ECE1: variants seen among roughly 807,000 people sequenced by gnomAD.
The protein encoded by ECE1 is endothelin-converting enzyme 1.
In ECE1, 35 loss-of-function variants were observed where a neutral mutation model predicts 98.6. The observed-to-expected ratio is 0.35, with a 90% CI of 0.27 to 0.47. The LOEUF is 0.47. Among genes scored for constraint, ECE1 ranks in the 20% least tolerant of loss-of-function variants. The probability of loss-of-function intolerance (pLI) is 1.00; values close to 1 mark genes in which losing one functional copy is unlikely to be tolerated. For synonymous variants in ECE1, 394 were observed against 407.1 expected (o/e 0.97, Z 0.39); for missense variants, 814 against 1,025.3 (o/e 0.79, Z 2.81).
intron 14 of ECE1, among the ~76,000 whole-genome samples, chr1:21,232,308 C>CT (rs1286274213): frequency 1.3e-5 from 2 of 148,880 alleles, no homozygotes; most frequent in Non-Finnish European, 3.0e-5. Context: ...TTCTTTCTTT[C>CT]TTTTTTTTCA....
In ECE1 at chr1:21,247,268, C is replaced by T. The variant is rs749300980; in HGVS notation, c.1116G>A (p.Lys372=). 5 of 1,613,896 alleles carry T rather than the reference C, an allele frequency of 3.1e-6. No individual in the cohort carries two copies. The African/African-American group carries it at 6.7e-5, about 22-fold the overall frequency. ...NESEPIVVYD[K]EYLEQISTLI... is the part of the protein sequence containing the mutation. ...GAGTGGAGATCTGCTCAAGGTATTC[C>T]TTGTCATAGACCACAATAGGCTCGG... is the stretch of plus-strand genomic sequence containing the variant. The change falls in exon 9 of 19, where the codon AAG becomes AAA. Residue 372 remains lysine (K), a synonymous_variant. Transcript: ENST00000374893.
rs1639382010 is a variant in ECE1 at position 21,340,692 on chromosome 1, T to C, written c.3+4684A>G. Reference sequence around the variant, plus strand: ...GGTGTCTACTAAAAAAATACAGAAGTTAGTCGCATGGTGGCACGCCTGTAA... The same window carrying C: ...GGTGTCTACTAAAAAAATACAGAAGCTAGTCGCATGGTGGCACGCCTGTAA... On this transcript the variant is annotated intron_variant, in intron 1 of 18. Transcript: ENST00000415912. This position sits in a 1 kb window ranked among gnomAD's most constrained non-coding sequence, Gnocchi z 4.6. Among the ~76,000 whole-genome samples the C allele has an allele frequency of 6.6e-6, 1 of 151,888 alleles. No individual in the cohort carries two copies. Among genetic ancestry groups the C allele is most frequent in the South Asian group, 2.1e-4 (1 of 4,816 alleles).
At chr1:21,333,747 T>C (rs754674492) in intron 1 of ECE1, among the ~76,000 whole-genome samples, 2 of 152,144 alleles carry the variant, frequency 1.3e-5, no homozygotes, top group Non-Finnish European at 2.9e-5. Context: ...GGCAGGAGAA[T>C]TGCTTAAACC....
rs1336962002 is a variant in ECE1, at chr1:21,307,852, C to A, written c.4-17696G>T. Among the ~76,000 whole-genome samples the A allele has an allele frequency of 6.6e-6, 1 of 152,162 alleles. No individual in the cohort carries two copies. The highest frequency in any genetic ancestry group is 2.1e-4 in the South Asian group (1 of 4,834). On this transcript the variant is annotated intron_variant, in intron 1 of 18. Coordinates refer to the ECE1 transcript ENST00000415912. The surrounding 1 kb of genome is among the most constrained non-coding windows in gnomAD (Gnocchi z 4.2). ...CTGCCCCCTTGAGAGGGAGGCCCTG[C>A]CCCCTTGAGAGGTTGGCCCCGCCTT...
At chr1:21,249,201 G>T (rs1304244690) in intron 8 of ECE1, among the ~76,000 whole-genome samples, 2 of 151,190 alleles carry the variant, frequency 1.3e-5, no homozygotes, top group Non-Finnish European at 1.5e-5. Context: ...AAATTAGCTG[G>T]GCGTGGTGGT....
chr1:21,345,275 C>A lies in ECE1; in HGVS notation c.3+101G>T. 8.2e-7 allele frequency: 1 copy of A among 1,221,092 alleles called. No individual in the cohort carries two copies. The highest frequency in any genetic ancestry group is 1.0e-6 in the Non-Finnish European group (1 of 981,642). The allele number at this position is 1,221,092 out of a possible 1,614,324, so 75.6% of individuals were successfully genotyped here. On this transcript the variant is annotated intron_variant, in intron 1 of 18. Coordinates refer to the ECE1 transcript ENST00000415912. The surrounding 1 kb of genome is among the most constrained non-coding windows in gnomAD (Gnocchi z 5.1). Reference sequence around the variant, plus strand: ...CTGCTGCTGCAGCCGGCGCCCAGCCCCCCGCGAGCCAGGGCGGCCCCGGGT... The same window carrying A: ...CTGCTGCTGCAGCCGGCGCCCAGCCACCCGCGAGCCAGGGCGGCCCCGGGT...
Position 21,257,623 on chromosome 1 carries a change from G to A in ECE1, c.763-33C>T, listed in dbSNP as rs770439724. 47 of 1,611,020 alleles carry A rather than the reference G, an allele frequency of 2.9e-5. 1 individual carries two copies. In the South Asian group the frequency reaches 4.4e-4, roughly 15 times the overall value. ...GAGAAGCAGGCATGAGAGGGAATTCGTGTTGCAATGCGTGTATCCACTGCA... is the reference window on the plus strand; with the variant it reads ...GAGAAGCAGGCATGAGAGGGAATTCATGTTGCAATGCGTGTATCCACTGCA... On this transcript the variant is annotated intron_variant, in intron 6 of 18. Coordinates refer to ENST00000374893, the MANE Select transcript of ECE1 (RefSeq NM_001397.3).
chr1:21,230,975 T>G (rs1479746180), intron 14 of ECE1, among the ~76,000 whole-genome samples: 2 of 151,910 alleles, frequency 1.3e-5, no homozygotes, highest in Non-Finnish European at 2.9e-5. Context: ...ATTACAGGCA[T>G]GTGCCACCAT....
chr1:21,222,191 C>T, intron 17 of ECE1: 11 of 326,530 alleles, frequency 3.4e-5, no homozygotes, highest in Middle Eastern at 1.0e-3. Context: ...CACACACATA[C>T]ACACAACTTT....
Position 21,220,222 on chromosome 1 carries a change from G to A in ECE1, c.2137-91C>T. ...ATTATAACAGCAGGGGAGGCCAGGT[G>A]CGGTGGCTCACACCTGTAATCCCAG... On this transcript the variant is annotated intron_variant, in intron 18 of 18. Transcript: ENST00000374893. The surrounding 1 kb of genome is among the most constrained non-coding windows in gnomAD (Gnocchi z 5.0). The A allele has an allele frequency of 7.0e-7, 1 of 1,430,644 alleles. No homozygotes were observed. Among genetic ancestry groups the A allele is most frequent in the Non-Finnish European group, 9.4e-7 (1 of 1,060,966 alleles). 88.6% of individuals were successfully genotyped at this position (1,430,644 alleles called of 1,614,324 possible). A position where few individuals can be genotyped will look rare whatever the true frequency, so the allele number is the denominator to read the frequency against.
Position 21,279,257 on chromosome 1 carries a change from A to G in ECE1, c.214T>C (p.Leu72=), listed in dbSNP as rs199521200. Residue 72 remains leucine (L), a synonymous_variant, in exon 3 of 19, where the codon TTG becomes CTG. Transcript: ENST00000374893. The stretch of plus-strand genomic sequence containing the variant: ...AGTCCTGCCGCCAGAAGTACCACCA[A>G]CACCACCAGCCGCTTCTCCACCTGG... The part of the protein sequence containing the change: ...RTQVEKRLVV[L]VVLLAAGLVA... 1 of 1,614,108 alleles carries G rather than the reference A, an allele frequency of 6.2e-7. No homozygotes were observed. Among genetic ancestry groups the G allele is most frequent in the Non-Finnish European group, 8.5e-7 (1 of 1,180,004 alleles).
At chr1:21,341,691 C>T (rs1245223479) in intron 1 of ECE1, among the ~76,000 whole-genome samples, 2 of 152,186 alleles carry the variant, frequency 1.3e-5, no homozygotes, top group Non-Finnish European at 2.9e-5. Context: ...CACAGGCTGC[C>T]CAGGGTGAAG....
chr1:21,253,218 G>A (rs1454468152), intron 8 of ECE1, among the ~76,000 whole-genome samples: 1 of 151,632 alleles, frequency 6.6e-6, no homozygotes, highest in Non-Finnish European at 1.5e-5. Context: ...CACCACACCC[G>A]GCTAATTTTT....
chr1:21,244,056 T>C (rs1378925952), intron 10 of ECE1, among the ~76,000 whole-genome samples: 1 of 152,142 alleles, frequency 6.6e-6, no homozygotes, highest in Non-Finnish European at 1.5e-5. Context: ...GATTGGACTC[T>C]GGGAAGGGCT....
At chr1:21,306,803 C>A (rs992626729) in intron 1 of ECE1, among the ~76,000 whole-genome samples, 1 of 152,174 alleles carries the variant, frequency 6.6e-6, no homozygotes, top group African/African-American at 2.4e-5. Flanking sequence ...GTTACAAAGA[C>A]AGGGCAGCAG....
chr1:21,232,090 G>T (rs978360554), intron 14 of ECE1, among the ~76,000 whole-genome samples: 1 of 152,196 alleles, frequency 6.6e-6, no homozygotes. Flanking sequence ...ACATAGCGGG[G>T]TGTCCTGGTT....
At position 21,258,938 on chromosome 1, in the gene ECE1, A is replaced by AGTC. The variant is rs1238613322; in HGVS notation, c.616-102_616-100dup. The AGTC allele has an allele frequency of 1.3e-6, 2 of 1,521,176 alleles. No homozygotes were observed. The highest frequency in any genetic ancestry group is 2.7e-5 in the African/African-American group (2 of 72,786). 94.2% of individuals were successfully genotyped at this position (1,521,176 alleles called of 1,614,324 possible). Reference sequence around the variant, plus strand: ...CTGACTTGCTCTGTGACCCTGGAGCAGTCGCCTGACCTCTCTGAGCCTCAA... The same window carrying AGTC: ...CTGACTTGCTCTGTGACCCTGGAGCAGTCGTCGCCTGACCTCTCTGAGCCTCAA... On this transcript the variant is annotated intron_variant, in intron 5 of 18. Transcript: ENST00000374893. The surrounding 1 kb of genome is among the most constrained non-coding windows in gnomAD (Gnocchi z 4.2).
chr1:21,320,906 T>G (rs1390569578), intron 1 of ECE1, among the ~76,000 whole-genome samples: 1 of 152,232 alleles, frequency 6.6e-6, no homozygotes, highest in East Asian at 1.9e-4. Context: ...GGAGCTGTGA[T>G]GGTCTTCCCT....
rs28367931 is a variant in ECE1 at position 21,286,661 on chromosome 1, G to T, written c.138+3409C>A. Among the ~76,000 whole-genome samples, 232 of 152,270 alleles carry T rather than the reference G, an allele frequency of 1.5e-3. 1 individual carries two copies. Among genetic ancestry groups the T allele is most frequent in the African/African-American group, 5.5e-3 (227 of 41,556 alleles). ...AAAGAAAAAGAACAGGTTAGGCACG[G>T]TGGCTGTAATCCCAGCCCTTTGGGA... On this transcript the variant is annotated intron_variant, in intron 2 of 18. Coordinates refer to ENST00000374893, the MANE Select transcript of ECE1 (RefSeq NM_001397.3).
Sources: allele counts gnomAD v4.1 joint callset (sites outside exome capture counted in the v4.1 genomes callset), GRCh38; gene constraint gnomAD v4.1.1; non-coding constraint Gnocchi (gnomAD v3.1); transcripts MANE v1.5; gene names NCBI Gene and HGNC (gene_info 2026-07-23, HGNC 2026-07-21).